SEMA6D: variants seen among roughly 807,000 people sequenced by gnomAD.
SEMA6D encodes the protein semaphorin 6D.
Under a neutral mutation model 106.6 loss-of-function variants are expected in SEMA6D, and 35 were observed. The observed-to-expected ratio is 0.33, with a 90% confidence interval of 0.25 to 0.44. The LOEUF is 0.44. SEMA6D is among the 20% of genes least tolerant of loss of function. The pLI is 1.00. For missense variants in SEMA6D, 1,185 were observed against 1,345.9 expected, an observed-to-expected ratio of 0.88 and a Z score of 1.87; for synonymous variants, 499 against 487.7, an observed-to-expected ratio of 1.02 and a Z score of -0.31.
At chr15:47,644,021 G>A (rs761054814) in intron 4 of SEMA6D, among the ~76,000 whole-genome samples, 1 of 152,036 alleles carries the variant, frequency 6.6e-6, no homozygotes, top group Non-Finnish European at 1.5e-5. Context: ...ATTCCCCGTT[G>A]TCTAGACTAG....
At chr15:47,191,633 A>G (rs1021454444) in intron 1 of SEMA6D, among the ~76,000 whole-genome samples, 1 of 152,210 alleles carries the variant, frequency 6.6e-6, no homozygotes, top group Admixed American at 6.5e-5. Flanking sequence ...AAAGAAATGA[A>G]AAGGTCCCTG....
chr15:47,550,720 T>A (rs1180904544), intron 3 of SEMA6D, among the ~76,000 whole-genome samples: 1 of 152,132 alleles, frequency 6.6e-6, no homozygotes, highest in African/African-American at 2.4e-5. Context: ...CAAGCTCAAG[T>A]AATCCTCAGA....
At position 47,771,488 on chromosome 15, in the gene SEMA6D, T is replaced by C; in HGVS notation, c.2925T>C (p.Ser975=). 1 of 1,614,116 alleles carries C rather than the reference T, an allele frequency of 6.2e-7. No individual in the cohort carries two copies. The highest frequency in any genetic ancestry group is 2.2e-5 in the East Asian group (1 of 44,858). Residue 975 remains serine (S), a synonymous_variant, in exon 19 of 19, where the codon TCT becomes TCC. Transcript: ENST00000536845. The part of the protein sequence containing the change: ...HKNSSQRHSI[S]AMPKNLNSPN... ...ATTCCTCCCAGAGGCACTCTATATCTGCTATGCCTAAAAACTTAAACTCAC... is the reference window on the plus strand; with the variant it reads ...ATTCCTCCCAGAGGCACTCTATATCCGCTATGCCTAAAAACTTAAACTCAC...
At chr15:47,393,947 C>A (rs905233097) in intron 1 of SEMA6D, among the ~76,000 whole-genome samples, 8 of 152,162 alleles carry the variant, frequency 5.3e-5, no homozygotes, top group African/African-American at 1.9e-4. Flanking sequence ...TTCATAAGGA[C>A]ACTGAGATTC....
chr15:47,604,624 C>T (rs1316916417), intron 4 of SEMA6D, among the ~76,000 whole-genome samples: 4 of 152,136 alleles, frequency 2.6e-5, no homozygotes, highest in Non-Finnish European at 5.9e-5. Context: ...GTTTGAAATT[C>T]AGAGAGTAAT....
chr15:47,495,633 A>G (rs1474478035), intron 3 of SEMA6D, among the ~76,000 whole-genome samples: 4 of 152,046 alleles, frequency 2.6e-5, no homozygotes, highest in Non-Finnish European at 5.9e-5. Flanking sequence ...GTGGGGTGGT[A>G]CTTTCAACTT....
At chr15:47,357,295 C>T (rs766406456) in intron 1 of SEMA6D, among the ~76,000 whole-genome samples, 8 of 151,994 alleles carry the variant, frequency 5.3e-5, no homozygotes, top group Non-Finnish European at 1.2e-4. Flanking sequence ...GATCGGGCCA[C>T]TGCATTCCAT....
chr15:47,381,335 T>A (rs962635273), intron 1 of SEMA6D, among the ~76,000 whole-genome samples: 1 of 152,196 alleles, frequency 6.6e-6, no homozygotes, highest in African/African-American at 2.4e-5. Flanking sequence ...CAGGTGCTAT[T>A]TTTATTTTTG....
intron 1 of SEMA6D, among the ~76,000 whole-genome samples, chr15:47,239,798 T>G (rs981888172): frequency 5.9e-5 from 9 of 152,186 alleles, no homozygotes; most frequent in African/African-American, 2.2e-4. Flanking sequence ...AAGTTGTATG[T>G]GTAACACACG....
chr15:47,322,092 G>A (rs1167970065), intron 1 of SEMA6D, among the ~76,000 whole-genome samples: 1 of 151,972 alleles, frequency 6.6e-6, no homozygotes, highest in African/African-American at 2.4e-5. Flanking sequence ...GAAGGCAGGC[G>A]GATGGCAATT....
chr15:47,613,747 A>C (rs1038495079), intron 4 of SEMA6D, among the ~76,000 whole-genome samples: 44 of 151,920 alleles, frequency 2.9e-4, no homozygotes, highest in Admixed American at 1.7e-3. Flanking sequence ...TCCGCCTCCC[A>C]GGTTCACGCC....
intron 1 of SEMA6D, among the ~76,000 whole-genome samples, chr15:47,759,305 T>A (rs1209285533): frequency 6.6e-6 from 1 of 152,136 alleles, no homozygotes; most frequent in East Asian, 1.9e-4. Context: ...ATCAGCCCTC[T>A]GGCTATTTTT....
At chr15:47,262,614 C>G (rs1031828673) in intron 1 of SEMA6D, among the ~76,000 whole-genome samples, 4 of 152,020 alleles carry the variant, frequency 2.6e-5, no homozygotes, top group Non-Finnish European at 5.9e-5. Flanking sequence ...ATTACTACAA[C>G]TTAAGATGAG....
chr15:47,280,945 C>G, intron 1 of SEMA6D, among the ~76,000 whole-genome samples: 1 of 28,380 alleles, frequency 3.5e-5, no homozygotes, highest in East Asian at 3.9e-4. Context: ...GCTTTACTTC[C>G]AAATATGTGG....
Position 47,637,052 on chromosome 15 carries a change from G to A in SEMA6D, c.-55+36156G>A, listed in dbSNP as rs191040801. ...CTGATGAAAAAAAGGCAGAGAAGGG[G>A]CCCAGGAGTGCCAGACTTAGACCAC... is the stretch of plus-strand genomic sequence containing the variant. On this transcript the variant is annotated intron_variant, in intron 4 of 19. Coordinates refer to the SEMA6D transcript ENST00000558014. 1.2e-3 allele frequency among the ~76,000 whole-genome samples: 190 copies of A among 152,256 alleles called. 1 individual carries two copies. The highest frequency in any genetic ancestry group is 4.4e-3 in the African/African-American group (184 of 41,548).
At position 47,272,656 on chromosome 15, in the gene SEMA6D, G is replaced by T. The variant is rs531051850; in HGVS notation, c.-239+88238G>T. ...CCTCATTGATTGCCAGAGTTGATTC[G>T]GCTGATCTGGCTGGCTAGGCGGCTG... On this transcript the variant is annotated intron_variant, in intron 1 of 19. Coordinates refer to the SEMA6D transcript ENST00000558014. 2.6e-5 allele frequency: 4 copies of T among 152,652 alleles called. No homozygotes were observed. In the Admixed American group the frequency reaches 2.6e-4, roughly 10 times the overall value. The allele number at this position is 152,652 out of a possible 1,614,324, so 9.5% of individuals were successfully genotyped here. A position where few individuals can be genotyped will look rare whatever the true frequency, so the allele number is the denominator to read the frequency against.
chr15:47,436,771 ATAT>A (rs1567078607), intron 2 of SEMA6D, among the ~76,000 whole-genome samples: 3 of 70,038 alleles, frequency 4.3e-5, no homozygotes, highest in African/African-American at 4.8e-5. Flanking sequence ...AAAAAAAAAT[ATAT>A]ATATATATAT....
At chr15:47,212,887 C>T (rs965526085) in intron 1 of SEMA6D, among the ~76,000 whole-genome samples, 4 of 152,140 alleles carry the variant, frequency 2.6e-5, no homozygotes, top group Non-Finnish European at 4.4e-5. Context: ...GGTTAAGTGA[C>T]GTTACACATG....
intron 1 of SEMA6D, among the ~76,000 whole-genome samples, chr15:47,313,412 GC>G (rs1351200420): frequency 6.6e-6 from 1 of 152,016 alleles, no homozygotes; most frequent in East Asian, 1.9e-4. Flanking sequence ...TTAGTAATAT[GC>G]ATTTAAGCTT....
Sources: gnomAD v4.1 joint callset for allele counts (sites outside exome capture counted in the v4.1 genomes callset) on GRCh38, gnomAD v4.1.1 for gene constraint, MANE v1.5 for transcripts, NCBI Gene and HGNC (gene_info 2026-07-23, HGNC 2026-07-21) for gene names.